The following BARD1 variants were observed in gnomAD, a reference collection of about 807,000 sequenced individuals.
The protein encoded by BARD1 is BRCA1-associated RING domain protein 1.
A neutral mutation model predicts 77.0 loss-of-function variants in BARD1; 73 were observed. The observed-to-expected ratio is 0.95, with a 90% CI of 0.79 to 1.15. The LOEUF (loss-of-function observed/expected upper bound fraction) is 1.15, where lower values mean the gene tolerates loss of function less well. Ranked by LOEUF, BARD1 falls within the 50% of genes most tolerant of loss-of-function variation. The pLI is 0.00. For synonymous variants in BARD1, 384 were observed against 338.0 expected, an observed-to-expected ratio of 1.14 and a Z score of -1.49; for missense variants, 993 against 938.8, an observed-to-expected ratio of 1.06 and a Z score of -0.75.
intron 3 of BARD1, among the ~76,000 whole-genome samples, chr2:214,783,569 G>C (rs773552193): frequency 5.9e-5 from 9 of 152,114 alleles, no homozygotes; most frequent in Admixed American, 1.3e-4. Flanking sequence ...TCAGGGGGTT[G>C]GGGGCAAGGG....
At chr2:214,803,146 A>C (rs1431472916) in intron 1 of BARD1, among the ~76,000 whole-genome samples, 1 of 151,380 alleles carries the variant, frequency 6.6e-6, no homozygotes, top group African/African-American at 2.4e-5. Context: ...AAGAGTCATC[A>C]CCACTCCCTA....
chr2:214,784,545 A>G (rs1360316332), intron 3 of BARD1, among the ~76,000 whole-genome samples: 1 of 152,234 alleles, frequency 6.6e-6, no homozygotes, highest in African/African-American at 2.4e-5. Context: ...CCAAAGGATT[A>G]TAAATCATTC....
Position 214,761,014 on chromosome 2 carries a change from T to C in BARD1, c.1568+6468A>G, listed in dbSNP as rs756064382. Among the ~76,000 whole-genome samples the C allele has an allele frequency of 2.5e-4, 38 of 151,230 alleles. No homozygotes were observed. In the East Asian group the frequency reaches 4.1e-3, roughly 16 times the overall value. ...TGGTCTCGATCTCCTGACCTCGGGA[T>C]CCACCCGCCTTGGCTTCTCAATCCA... is the stretch of plus-strand genomic sequence containing the variant. On this transcript the variant is annotated intron_variant, in intron 6 of 10. Transcript: ENST00000260947.
intron 1 of BARD1, among the ~76,000 whole-genome samples, chr2:214,804,990 G>A (rs951929573): frequency 1.5e-4 from 23 of 152,026 alleles, no homozygotes; most frequent in African/African-American, 3.9e-4. Context: ...GTGAAACCCC[G>A]TGTCTACTAA....
intron 9 of BARD1, among the ~76,000 whole-genome samples, chr2:214,743,866 C>A (rs1314226497): frequency 6.6e-6 from 1 of 152,104 alleles, no homozygotes; most frequent in Non-Finnish European, 1.5e-5. Flanking sequence ...GGCCTGATTT[C>A]ACTGGTTATA....
rs1427820408 is a variant in BARD1 at position 214,726,902 on chromosome 2, A to G, written c.*1774T>C. ...AAGAGACCTCATAGGTGTCTTTACA[A>G]TCAGGAATTCAGATGCAAGGAACAG... On this transcript the variant is annotated 3_prime_UTR_variant, in exon 11 of 11. Transcript: ENST00000260947. 1 of 228,796 alleles carries G rather than the reference A, an allele frequency of 4.4e-6. No individual in the cohort carries two copies. Among genetic ancestry groups the G allele is most frequent in the African/African-American group, 2.2e-5 (1 of 45,152 alleles). 14.2% of individuals were successfully genotyped at this position (228,796 alleles called of 1,614,324 possible).
At chr2:214,740,088 G>A (rs535038924) in intron 9 of BARD1, among the ~76,000 whole-genome samples, 26 of 151,840 alleles carry the variant, frequency 1.7e-4, no homozygotes, top group Middle Eastern at 3.4e-3. Flanking sequence ...GTTAAAAACC[G>A]AACACAGTCT....
At chr2:214,792,715 G>A (rs1695584675) in intron 2 of BARD1, among the ~76,000 whole-genome samples, 1 of 152,084 alleles carries the variant, frequency 6.6e-6, no homozygotes, top group African/African-American at 2.4e-5. Flanking sequence ...GCTTCTAAAG[G>A]TTACAGAGAT....
In BARD1 at chr2:214,728,945, C is replaced by T. The variant is rs863224671; in HGVS notation, c.2065G>A (p.Asp689Asn). 6.2e-7 allele frequency: 1 copy of T among 1,614,048 alleles called. No homozygotes were observed. Among genetic ancestry groups the T allele is most frequent in the Non-Finnish European group, 8.5e-7 (1 of 1,180,022 alleles). ...LWGTFKHHPK[D>N]NLIKLVTAGG... is the part of the protein sequence containing the mutation. ...GCAGTGACGAGCTTAATAAGGTTGT[C>T]CTTTGGATGGTGTTTGAAGGTTCCC... The change falls in exon 11 of 11, where the codon GAC (aspartate) becomes AAC (asparagine). Residue 689 changes from aspartate to asparagine, a missense_variant. Coordinates refer to ENST00000260947, the MANE Select transcript of BARD1 (RefSeq NM_000465.4).
intron 2 of BARD1, among the ~76,000 whole-genome samples, chr2:214,793,062 C>G (rs746340761): frequency 4.6e-5 from 7 of 152,130 alleles, no homozygotes; most frequent in Non-Finnish European, 7.4e-5. Flanking sequence ...CACGATCCCC[C>G]CCACAAGCCC....
chr2:214,753,560 A>G (rs568436252), intron 6 of BARD1, among the ~76,000 whole-genome samples: 1 of 152,290 alleles, frequency 6.6e-6, no homozygotes, highest in African/African-American at 2.4e-5. Context: ...TGTAAATTGT[A>G]TCAAATGTAT....
intron 4 of BARD1, among the ~76,000 whole-genome samples, chr2:214,778,199 C>T (rs574234054): frequency 8.4e-6 from 1 of 119,496 alleles, no homozygotes; most frequent in African/African-American, 3.1e-5. Context: ...CTGTCCCCCG[C>T]CCCTCCCCCC....
intron 4 of BARD1, among the ~76,000 whole-genome samples, chr2:214,777,317 G>A (rs1374818332): frequency 6.6e-6 from 1 of 152,102 alleles, no homozygotes; most frequent in African/African-American, 2.4e-5. Flanking sequence ...GGTAGTTTGG[G>A]GCAAGGTATT....
At chr2:214,743,812 G>A (rs535083112) in intron 9 of BARD1, among the ~76,000 whole-genome samples, 117 of 152,132 alleles carry the variant, frequency 7.7e-4, no homozygotes, top group Non-Finnish European at 1.4e-3. Context: ...TGCCTGCCTC[G>A]GTCGCCCAAA....
intron 1 of BARD1, among the ~76,000 whole-genome samples, chr2:214,807,378 A>T (rs1167969947): frequency 6.6e-6 from 1 of 152,218 alleles, no homozygotes; most frequent in Non-Finnish European, 1.5e-5. Flanking sequence ...GGGGATAAAA[A>T]GTGAAACCGG....
intron 6 of BARD1, among the ~76,000 whole-genome samples, chr2:214,764,579 C>T (rs6706323): frequency 0.41 from 62,333 of 152,040 alleles, 12,885 homozygotes; most frequent in South Asian, 0.5. Flanking sequence ...CTGTGAAGAC[C>T]GATGAGAACA....
intron 5 of BARD1, among the ~76,000 whole-genome samples, 158 bp downstream of exon 5, chr2:214,769,074 G>A (rs565515852): frequency 6.6e-6 from 1 of 152,304 alleles, no homozygotes; most frequent in East Asian, 1.9e-4. Context: ...TGAAAAGCTA[G>A]AAGGAAAGTA....
Position 214,727,293 on chromosome 2 carries a change from T to G in BARD1, c.*1383A>C, listed in dbSNP as rs1053271172. The G allele has an allele frequency of 8.6e-6, 2 of 231,246 alleles. No homozygotes were observed. Among genetic ancestry groups the G allele is most frequent in the African/African-American group, 4.4e-5 (2 of 45,256 alleles). The allele number at this position is 231,246 out of a possible 1,614,324, so 14.3% of individuals were successfully genotyped here. On this transcript the variant is annotated 3_prime_UTR_variant, in exon 11 of 11. Transcript: ENST00000260947. Reference sequence around the variant, plus strand: ...TCTCAAACTTTCAAGTAAGTGCATCTTAAGATGTTGATGAACTTCAGAGAT... The same window carrying G: ...TCTCAAACTTTCAAGTAAGTGCATCGTAAGATGTTGATGAACTTCAGAGAT...
chr2:214,806,969 C>T lies in BARD1; in HGVS notation c.158+2443G>A, dbSNP rs1162260852. Among the ~76,000 whole-genome samples, 3 of 151,442 alleles carry T rather than the reference C, an allele frequency of 2.0e-5. No homozygotes were observed. In the South Asian group the frequency reaches 6.2e-4, roughly 31 times the overall value. On this transcript the variant is annotated intron_variant, in intron 1 of 10. Coordinates refer to ENST00000260947, the MANE Select transcript of BARD1 (RefSeq NM_000465.4). ...GACATTAAGTTTATCAAGACTTTAT[C>T]GACAGTTTAGCAACTATTGCCTGTG...
Sources: allele counts gnomAD v4.1 joint callset (sites outside exome capture counted in the v4.1 genomes callset), GRCh38; gene constraint gnomAD v4.1.1; transcripts MANE v1.5; gene names NCBI Gene and HGNC (gene_info 2026-07-23, HGNC 2026-07-21).